Variants in C11orf65 observed in about 807,000 individuals in gnomAD.
C11orf65 encodes the protein chromosome 11 open reading frame 65.
C11orf65 carries 38 observed loss-of-function variants against 35.3 expected under a neutral mutation model. The observed-to-expected ratio is 1.08, with a 90% confidence interval of 0.83 to 1.41. The LOEUF (loss-of-function observed/expected upper bound fraction) is 1.41. C11orf65 is among the 40% of genes most tolerant of loss of function. The probability of loss-of-function intolerance (pLI) is 0.00; values close to 1 mark genes in which losing one functional copy is unlikely to be tolerated. For missense variants in C11orf65, 370 were observed against 367.1 expected (o/e 1.01, Z -0.06); for synonymous variants, 105 against 114.4 (o/e 0.92, Z 0.53).
At chr11:108,336,047 A>G in intron 2 of C11orf65, 2 of 1,068,002 alleles carry the variant, frequency 1.9e-6, no homozygotes, top group Non-Finnish European at 2.9e-6. Flanking sequence ...CCATATTCAT[A>G]ATGCTTTGGG....
At chr11:108,341,807 G>C (rs745778505) in intron 2 of C11orf65, among the ~76,000 whole-genome samples, 6 of 152,128 alleles carry the variant, frequency 3.9e-5, no homozygotes, top group Non-Finnish European at 8.8e-5. Flanking sequence ...CCTCAGATTA[G>C]CAAAATATAA....
chr11:108,352,198 A>G (rs1488677989), intron 2 of C11orf65, among the ~76,000 whole-genome samples: 1 of 152,254 alleles, frequency 6.6e-6, no homozygotes, highest in Non-Finnish European at 1.5e-5. Flanking sequence ...TGAGATGACA[A>G]TGATGTTGGA....
intron 2 of C11orf65, chr11:108,340,226 T>C (rs1019860101): frequency 2.0e-5 from 3 of 152,176 alleles, no homozygotes; most frequent in African/African-American, 7.2e-5. Context: ...ATGAACCCCC[T>C]TGTACTTGTC....
At chr11:108,338,994 A>G (rs2087168389) in intron 2 of C11orf65, among the ~76,000 whole-genome samples, 1 of 152,192 alleles carries the variant, frequency 6.6e-6, no homozygotes, top group African/African-American at 2.4e-5. Context: ...ACTACCTGGA[A>G]CTAGATCTTG....
At position 108,387,909 on chromosome 11, in the gene C11orf65, G is replaced by A. The variant is rs545044490; in HGVS notation, c.732-1934C>T. 2.0e-5 allele frequency among the ~76,000 whole-genome samples: 3 copies of A among 152,184 alleles called. No individual in the cohort carries two copies. In the East Asian group the frequency reaches 5.8e-4, roughly 29 times the overall value. The stretch of plus-strand genomic sequence containing the variant: ...CTACTGCTACCCCTTGGTGCTCTGC[G>A]AACTTTCTTCAATGGCCTTCAATAG... On this transcript the variant is annotated intron_variant, in intron 7 of 8. Coordinates refer to ENST00000393084, the MANE Select transcript of C11orf65 (RefSeq NM_152587.5).
chr11:108,335,286 T>TG lies in C11orf65; in HGVS notation c.232dup (p.Met81AsnfsTer10). The stretch of plus-strand genomic sequence containing the variant: ...GAACCAGGCTTTTCTCCATTTTTTT[T>TG]GTGTCTCTGAAAGACAATCATTATT... On this transcript the variant is annotated frameshift_variant, in exon 3 of 4. Coordinates refer to the C11orf65 transcript ENST00000524755. LOFTEE classifies it high-confidence loss of function. 1 of 1,515,840 alleles carries TG rather than the reference T, an allele frequency of 6.6e-7. No homozygotes were observed. Among genetic ancestry groups the TG allele is most frequent in the Non-Finnish European group, 8.8e-7 (1 of 1,135,062 alleles). The allele number at this position is 1,515,840 out of a possible 1,614,324, so 93.9% of individuals were successfully genotyped here.
At chr11:108,378,323 G>C (rs1211668635), downstream of C11orf65, among the ~76,000 whole-genome samples, 7 of 145,548 alleles carry the variant, frequency 4.8e-5, no homozygotes, top group African/African-American at 1.8e-4. Context: ...CAGAAATAAT[G>C]CTGCATATCT....
intron 6 of C11orf65, among the ~76,000 whole-genome samples, chr11:108,396,765 C>T (rs1256071879): frequency 2.6e-5 from 4 of 151,352 alleles, no homozygotes; most frequent in South Asian, 2.1e-4. Context: ...ACCTGGGAGA[C>T]GGAGCTTGCA....
At chr11:108,352,173 T>C (rs1240904212) in intron 2 of C11orf65, among the ~76,000 whole-genome samples, 1 of 152,242 alleles carries the variant, frequency 6.6e-6, no homozygotes, top group Non-Finnish European at 1.5e-5. Flanking sequence ...AATGGCCACC[T>C]GTAGGTGCCA....
intron 3 of C11orf65, among the ~76,000 whole-genome samples, chr11:108,416,798 C>T (rs1454557702): frequency 1.3e-5 from 2 of 152,018 alleles, no homozygotes; most frequent in African/African-American, 4.8e-5. Flanking sequence ...CTTTGCTGGT[C>T]GGAATGCAAA....
At chr11:108,363,532 T>A (rs188194923) in intron 2 of C11orf65, among the ~76,000 whole-genome samples, 2 of 152,170 alleles carry the variant, frequency 1.3e-5, no homozygotes, top group Admixed American at 1.3e-4. Context: ...ATTTTTATTG[T>A]CACAATTGGG....
chr11:108,442,500 A>G (rs150614474), intron 2 of C11orf65, among the ~76,000 whole-genome samples: 1,887 of 152,308 alleles, frequency 0.012, 49 homozygotes, highest in African/African-American at 0.042. Flanking sequence ...CCTCGAGAAG[A>G]GCAATCCCAA....
Position 108,406,813 on chromosome 11 carries a change from C to G in C11orf65, c.379G>C (p.Gly127Arg). 1 of 1,612,632 alleles carries G rather than the reference C, an allele frequency of 6.2e-7. No individual in the cohort carries two copies. The highest frequency in any genetic ancestry group is 8.5e-7 in the Non-Finnish European group (1 of 1,179,260). Residue 127 changes from glycine (G) to arginine (R), a missense_variant, in exon 5 of 9, where the codon GGC (glycine) becomes CGC (arginine). By Grantham distance (125) the Gly-to-Arg change is moderately radical (BLOSUM62 -2). Transcript: ENST00000393084. ...NDHLQEEDHSGWYHRIENNGW... is the reference protein window; with the variant it reads ...NDHLQEEDHSRWYHRIENNGW... The stretch of plus-strand genomic sequence containing the variant: ...TTGTTTTCTATACGATGATACCAGC[C>G]ACTATGATCCTCTTCCTGAAGATGA...
At chr11:108,452,926 C>G (rs2093367365) in intron 2 of C11orf65, among the ~76,000 whole-genome samples, 1 of 148,988 alleles carries the variant, frequency 6.7e-6, no homozygotes, top group African/African-American at 2.5e-5. Flanking sequence ...CGCATGTGCT[C>G]CCTCATAGGT....
intron 6 of C11orf65, chr11:108,315,971 G>C (rs778590586): frequency 1.2e-5 from 19 of 1,609,858 alleles, no homozygotes; most frequent in Non-Finnish European, 1.5e-5. Context: ...AGTTATGTGT[G>C]TGTAAAACCC....
intron 3 of C11orf65, among the ~76,000 whole-genome samples, chr11:108,420,627 C>T (rs2092802106): frequency 6.6e-6 from 1 of 152,090 alleles, no homozygotes; most frequent in African/African-American, 2.4e-5. Context: ...GTAGTAAATC[C>T]TTCTTAAAGA....
chr11:108,365,055 T>C, intron 2 of C11orf65: 1 of 1,612,162 alleles, frequency 6.2e-7, no homozygotes, highest in Non-Finnish European at 8.5e-7. Context: ...ACATTGTTCT[T>C]TTAATACATA....
chr11:108,321,272 T>C, intron 6 of C11orf65: 1 of 1,613,654 alleles, frequency 6.2e-7, no homozygotes, highest in Non-Finnish European at 8.5e-7. Flanking sequence ...TTCTTTATTT[T>C]CAGAGTGTCT....
At chr11:108,375,487 A>C (rs1456713668) in intron 2 of C11orf65, among the ~76,000 whole-genome samples, 1 of 150,798 alleles carries the variant, frequency 6.6e-6, no homozygotes. Flanking sequence ...TGAAGGAAGC[A>C]CTAAACATGG....
Sources: allele counts gnomAD v4.1 joint callset (sites outside exome capture counted in the v4.1 genomes callset), GRCh38; gene constraint gnomAD v4.1.1; transcripts MANE v1.5; gene names NCBI Gene and HGNC (gene_info 2026-07-23, HGNC 2026-07-21).